ABCA13: variants seen among roughly 807,000 people sequenced by gnomAD.
The protein encoded by ABCA13 is ATP binding cassette subfamily A member 13.
ABCA13 carries 476 observed loss-of-function variants against 478.7 expected under a neutral mutation model. The ratio of observed to expected loss-of-function variants is 0.99; its 90% CI spans 0.92 to 1.07. The LOEUF (loss-of-function observed/expected upper bound fraction) is 1.07, where lower values mean the gene tolerates loss of function less well. Among genes scored for constraint, ABCA13 ranks in the 50% least tolerant of loss-of-function variants. ABCA13 has a pLI of 0.00. For missense variants in ABCA13, 6,060 were observed against 5,910.6 expected (o/e 1.03, Z -0.83); for synonymous variants, 2,252 against 2,158.9 (o/e 1.04, Z -1.20).
rs535884157 is a variant in ABCA13, at chr7:48,315,017, C to T, written c.9859+608C>T. Among the ~76,000 whole-genome samples, 39 of 152,280 alleles carry T rather than the reference C, an allele frequency of 2.6e-4. 1 individual carries two copies. In the South Asian group the frequency reaches 7.9e-3, roughly 31 times the overall value. On this transcript the variant is annotated intron_variant, in intron 26 of 61. Transcript: ENST00000435803. ...GTTTTTATTAGAAAGGCAGAATAAA[C>T]ATGCTGGTGAGGTTTTGGAGTTTAG...
chr7:48,255,797 A>G (rs1793295830), intron 15 of ABCA13, among the ~76,000 whole-genome samples: 1 of 152,202 alleles, frequency 6.6e-6, no homozygotes, highest in Non-Finnish European at 1.5e-5. Context: ...TTATGGTACA[A>G]TGATATACAT....
At chr7:48,308,476 G>C (rs1410099453) in intron 23 of ABCA13, among the ~76,000 whole-genome samples, 3 of 152,108 alleles carry the variant, frequency 2.0e-5, no homozygotes, top group Non-Finnish European at 4.4e-5. Context: ...ATAATTGTGT[G>C]TGTGATACTT....
Position 48,281,652 on chromosome 7 carries a change from C to T in ABCA13, c.8836+200C>T, listed in dbSNP as rs572495165. 1.2e-4 allele frequency among the ~76,000 whole-genome samples: 18 copies of T among 152,194 alleles called. No individual in the cohort carries two copies. The East Asian group carries it at 1.4e-3, about 11-fold the overall frequency. The stretch of plus-strand genomic sequence containing the variant: ...GGGCCTCTACTCCAGCCAAATTGAA[C>T]GGCCCGTTCCTGCGCCTTTGCTGGG... On this transcript the variant is annotated intron_variant, in intron 19 of 61. Transcript: ENST00000435803.
At chr7:48,611,736 A>G (rs1792046440) in intron 58 of ABCA13, among the ~76,000 whole-genome samples, 2 of 152,164 alleles carry the variant, frequency 1.3e-5, no homozygotes, top group Admixed American at 1.3e-4. Flanking sequence ...AGGTGATCAC[A>G]ATTTGATATG....
chr7:48,485,996 G>A (rs1829260769), intron 47 of ABCA13, among the ~76,000 whole-genome samples: 1 of 152,154 alleles, frequency 6.6e-6, no homozygotes, highest in South Asian at 2.1e-4. Context: ...GTGGACAGCT[G>A]GGTTCTTAGA....
chr7:48,439,406 C>G (rs1036917488), intron 42 of ABCA13, among the ~76,000 whole-genome samples: 4 of 152,060 alleles, frequency 2.6e-5, no homozygotes, highest in East Asian at 1.9e-4. Context: ...TAAATTCTCT[C>G]TTACATATAA....
chr7:48,513,179 G>T (rs972087513), intron 51 of ABCA13, among the ~76,000 whole-genome samples: 1 of 152,176 alleles, frequency 6.6e-6, no homozygotes. Context: ...AAGGACCTAT[G>T]GGTACACGGA....
chr7:48,387,683 A>G, intron 35 of ABCA13, 139 bp from the exon 36 acceptor site: 1 of 739,470 alleles, frequency 1.4e-6, no homozygotes, highest in Non-Finnish European at 2.1e-6. Context: ...GTGCCCTGGG[A>G]TATCACATTT....
At chr7:48,263,669 G>A (rs1526095) in intron 15 of ABCA13, among the ~76,000 whole-genome samples, 78,094 of 151,270 alleles carry the variant, frequency 0.52, 20,934 homozygotes, top group East Asian at 0.83. Context: ...AAATTTTAAG[G>A]CATTACAACT....
At chr7:48,328,914 C>T (rs1804749632) in intron 27 of ABCA13, among the ~76,000 whole-genome samples, 1 of 152,114 alleles carries the variant, frequency 6.6e-6, no homozygotes, top group South Asian at 2.1e-4. Flanking sequence ...GAGAGTCACT[C>T]TCATGCATTG....
chr7:48,462,618 C>T (rs1015381531), intron 43 of ABCA13, among the ~76,000 whole-genome samples: 7 of 152,042 alleles, frequency 4.6e-5, no homozygotes, highest in Non-Finnish European at 1.0e-4. Flanking sequence ...CAGTGATTCT[C>T]CTGCCTCAGC....
At chr7:48,601,006 AT>A (rs1459961219) in intron 58 of ABCA13, among the ~76,000 whole-genome samples, 1 of 150,886 alleles carries the variant, frequency 6.6e-6, no homozygotes, top group Non-Finnish European at 1.5e-5. Context: ...GTTCTTGCTC[AT>A]TTTTTTTAGT....
intron 22 of ABCA13, among the ~76,000 whole-genome samples, chr7:48,297,728 A>G (rs1405111735): frequency 6.6e-6 from 1 of 152,010 alleles, no homozygotes; most frequent in Non-Finnish European, 1.5e-5. Context: ...TATACAAGTG[A>G]GTTTCTTATA....
chr7:48,534,159 G>C (rs758602621), intron 55 of ABCA13, among the ~76,000 whole-genome samples: 1 of 152,138 alleles, frequency 6.6e-6, no homozygotes, highest in Non-Finnish European at 1.5e-5. Context: ...TTCTTGTAGA[G>C]TGGGGCTGGT....
chr7:48,582,493 G>A (rs1188942291), intron 56 of ABCA13, among the ~76,000 whole-genome samples: 1 of 152,124 alleles, frequency 6.6e-6, no homozygotes, highest in African/African-American at 2.4e-5. Context: ...GTAATCTTTA[G>A]ACACATCTGC....
intron 3 of ABCA13, among the ~76,000 whole-genome samples, chr7:48,203,014 G>A (rs1459243070): frequency 6.6e-6 from 1 of 152,210 alleles, no homozygotes; most frequent in African/African-American, 2.4e-5. Context: ...CGGAGGTGGG[G>A]GAAGGCTCAG....
chr7:48,370,209 A>G (rs1474033649), intron 32 of ABCA13, among the ~76,000 whole-genome samples: 1 of 152,132 alleles, frequency 6.6e-6, no homozygotes, highest in Non-Finnish European at 1.5e-5. Context: ...CTGTTGGTGT[A>G]TAGCAGAGCT....
intron 31 of ABCA13, among the ~76,000 whole-genome samples, chr7:48,353,715 G>C (rs754860409): frequency 2.2e-4 from 33 of 151,808 alleles, no homozygotes; most frequent in South Asian, 4.1e-4. Flanking sequence ...TGAAAATGCT[G>C]GTTGTACAGG....
rs900342048 is a variant in ABCA13, at chr7:48,644,625, C to T, written c.14952C>T (p.His4984=). The change falls in exon 61 of 62, where the codon CAC becomes CAT. Residue 4984 remains histidine, a synonymous_variant. Coordinates refer to ENST00000435803, the MANE Select transcript of ABCA13 (RefSeq NM_152701.5). ...TTTTTTTTTGCTTTTAGGGACAGCA[C>T]CTGAATTTATTAGAATATCATGTGC... ...YFPGIQFKGQ[H]LNLLEYHVPK... is the part of the protein sequence containing the mutation. 3.8e-6 allele frequency: 6 copies of T among 1,597,368 alleles called. No homozygotes were observed. The African/African-American group carries it at 6.9e-5, about 18-fold the overall frequency.
Sources: gnomAD v4.1 joint callset for allele counts (sites outside exome capture counted in the v4.1 genomes callset) on GRCh38, gnomAD v4.1.1 for gene constraint, MANE v1.5 for transcripts, NCBI Gene and HGNC (gene_info 2026-07-23, HGNC 2026-07-21) for gene names.